The following RPS6KA2 variants were observed in gnomAD, a reference collection of about 807,000 sequenced individuals.
RPS6KA2 encodes the protein ribosomal protein S6 kinase A2.
A neutral mutation model predicts 91.8 loss-of-function variants in RPS6KA2; 42 were observed. The ratio of observed to expected loss-of-function variants is 0.46; its 90% confidence interval spans 0.36 to 0.59. The LOEUF (loss-of-function observed/expected upper bound fraction) is 0.59, where lower values mean the gene tolerates loss of function less well. Ranked by LOEUF, RPS6KA2 falls within the 20% of genes least tolerant of loss-of-function variation. The pLI is 0.00. For synonymous variants in RPS6KA2, 414 were observed against 393.6 expected, an observed-to-expected ratio of 1.05 and a Z score of -0.61; for missense variants, 798 against 978.5, an observed-to-expected ratio of 0.82 and a Z score of 2.46.
chr6:166,583,528 C>A (rs1156382336), intron 1 of RPS6KA2, among the ~76,000 whole-genome samples: 1 of 152,202 alleles, frequency 6.6e-6, no homozygotes, highest in Non-Finnish European at 1.5e-5. Context: ...TGAAACACTG[C>A]GGAAGTCATG....
intron 2 of RPS6KA2, among the ~76,000 whole-genome samples, chr6:166,647,783 CAT>C (rs1159599279): frequency 2.0e-5 from 3 of 151,532 alleles, no homozygotes. Context: ...CATACACACA[CAT>C]GCACATGCTT....
intron 1 of RPS6KA2, among the ~76,000 whole-genome samples, chr6:166,590,709 C>T (rs1446747595): frequency 6.6e-6 from 1 of 151,980 alleles, no homozygotes; most frequent in Non-Finnish European, 1.5e-5. Context: ...ACTCATTTCC[C>T]GTTGCATCAT....
intron 2 of RPS6KA2, among the ~76,000 whole-genome samples, chr6:166,753,799 C>A (rs541233953): frequency 6.6e-6 from 1 of 152,328 alleles, no homozygotes; most frequent in South Asian, 2.1e-4. Context: ...AGCTGCGTTG[C>A]CCATGAGCTA....
At chr6:166,605,831 G>A (rs1261338058) in intron 1 of RPS6KA2, among the ~76,000 whole-genome samples, 4 of 152,232 alleles carry the variant, frequency 2.6e-5, no homozygotes. Context: ...GATAAGACCT[G>A]AAATGAAAAC....
intron 2 of RPS6KA2, among the ~76,000 whole-genome samples, chr6:166,717,186 T>A (rs758711197): frequency 7.2e-5 from 11 of 152,196 alleles, no homozygotes; most frequent in Non-Finnish European, 8.8e-5. Flanking sequence ...TGAGTTCGTC[T>A]GAGGCTCAGG....
rs1449999982 is a variant in RPS6KA2, at chr6:166,666,507, CCA to C, written c.124-127725_124-127724del. On this transcript the variant is annotated intron_variant, in intron 2 of 21. Coordinates refer to the RPS6KA2 transcript ENST00000503859. The surrounding 1 kb of genome is among the most constrained non-coding windows in gnomAD (Gnocchi z 4.0). ...GAAGCATATGGAAAGATGCTCAACG[CCA>C]GTCACTAATCCTTAGGGAAATGCAA... Among the ~76,000 whole-genome samples, 8 of 152,152 alleles carry C rather than the reference CCA, an allele frequency of 5.3e-5. No homozygotes were observed. The highest frequency in any genetic ancestry group is 4.1e-4 in the South Asian group (2 of 4,824).
At position 166,531,264 on chromosome 6, in the gene RPS6KA2, G is replaced by T; in HGVS notation, c.266C>A (p.Ala89Asp). 6.2e-7 allele frequency: 1 copy of T among 1,614,100 alleles called. No homozygotes were observed. Among genetic ancestry groups the T allele is most frequent in the Non-Finnish European group, 8.5e-7 (1 of 1,179,978 alleles). Residue 89 changes from alanine (A) to aspartate (D), a missense_variant, in exon 3 of 21, where the codon GCC becomes GAC. Ala to Asp is a moderately radical substitution (Grantham distance 126, BLOSUM62 -2). Coordinates refer to ENST00000265678, the MANE Select transcript of RPS6KA2 (RefSeq NM_021135.6). ...VKGSDAGQLY[A>D]MKVLKKATLK... ...GGTGGCTTTCTTAAGGACCTTCATG[G>T]CGTAGAGCTGCCCAGCGTCGGACCC...
At chr6:166,567,824 A>C (rs1019001262) in intron 1 of RPS6KA2, among the ~76,000 whole-genome samples, 1 of 152,180 alleles carries the variant, frequency 6.6e-6, no homozygotes, top group Non-Finnish European at 1.5e-5. Context: ...AAGAGGTTCC[A>C]TCTCTCCCCA....
intron 2 of RPS6KA2, among the ~76,000 whole-genome samples, chr6:166,670,674 C>G (rs1788446223): frequency 1.3e-5 from 2 of 151,584 alleles, no homozygotes; most frequent in Admixed American, 1.3e-4. Flanking sequence ...AGAATATGAC[C>G]CTCACCTCTC....
At chr6:166,703,709 A>G (rs979628160) in intron 2 of RPS6KA2, among the ~76,000 whole-genome samples, 2 of 152,218 alleles carry the variant, frequency 1.3e-5, no homozygotes, top group Non-Finnish European at 1.5e-5. Flanking sequence ...AGGCGAAATC[A>G]CGGAAGCAGG....
At chr6:166,479,310 T>C (rs6909920) in intron 10 of RPS6KA2, among the ~76,000 whole-genome samples, 38,451 of 152,168 alleles carry the variant, frequency 0.25, 6,807 homozygotes, top group African/African-American at 0.51. Flanking sequence ...ACACTTGCTC[T>C]GGACGAAAGC....
intron 2 of RPS6KA2, chr6:166,701,894 A>G: frequency 9.3e-7 from 1 of 1,074,980 alleles, no homozygotes; most frequent in Non-Finnish European, 1.4e-6. Flanking sequence ...CAATGGAGAT[A>G]TCGTGATTTT....
rs1237302823 is a variant in RPS6KA2, at chr6:166,852,038, C to T, written c.123+6162G>A. On this transcript the variant is annotated intron_variant, in intron 2 of 21. Transcript: ENST00000503859. This position sits in a 1 kb window ranked among gnomAD's most constrained non-coding sequence, Gnocchi z 4.1. ...GAAGCCAATGTTATTCTCACCCGCTCCACAGTGCGTCTAAACACAGATGGG... is the reference window on the plus strand; with the variant it reads ...GAAGCCAATGTTATTCTCACCCGCTTCACAGTGCGTCTAAACACAGATGGG... 6.6e-6 allele frequency among the ~76,000 whole-genome samples: 1 copy of T among 152,224 alleles called. No homozygotes were observed. Among genetic ancestry groups the T allele is most frequent in the African/African-American group, 2.4e-5 (1 of 41,446 alleles).
At chr6:166,421,468 C>T (rs1386136904) in intron 17 of RPS6KA2, among the ~76,000 whole-genome samples, 1 of 152,204 alleles carries the variant, frequency 6.6e-6, no homozygotes, top group Non-Finnish European at 1.5e-5. Context: ...TACCTACCCC[C>T]AACCAGAGAG....
intron 2 of RPS6KA2, among the ~76,000 whole-genome samples, chr6:166,799,820 T>C (rs1779317789): frequency 6.6e-6 from 1 of 152,188 alleles, no homozygotes; most frequent in African/African-American, 2.4e-5. Context: ...GGATAAGTTC[T>C]TCAGTGGTGA....
At chr6:166,765,660 G>A (rs1203539440) in intron 2 of RPS6KA2, among the ~76,000 whole-genome samples, 1 of 152,226 alleles carries the variant, frequency 6.6e-6, no homozygotes. Flanking sequence ...GTAAGATGTG[G>A]AGCTGGCATT....
In RPS6KA2 at chr6:166,459,409, G is replaced by A. The variant is rs1241501837; in HGVS notation, c.1075+40C>T. 16 of 1,327,054 alleles carry A rather than the reference G, an allele frequency of 1.2e-5. No individual in the cohort carries two copies. The highest frequency in any genetic ancestry group is 1.7e-5 in the Non-Finnish European group (16 of 923,542). The allele number at this position is 1,327,054 out of a possible 1,614,324, so 82.2% of individuals were successfully genotyped here. On this transcript the variant is annotated intron_variant, in intron 12 of 20. Transcript: ENST00000265678. The surrounding 1 kb of genome is among the most constrained non-coding windows in gnomAD (Gnocchi z 4.9). ...GATATCTGTCTCTAAGGGGTCAGGTGGGAGAAGCCACCGATAGAGGGAACC... is the reference window on the plus strand; with the variant it reads ...GATATCTGTCTCTAAGGGGTCAGGTAGGAGAAGCCACCGATAGAGGGAACC...
intron 2 of RPS6KA2, among the ~76,000 whole-genome samples, chr6:166,829,673 G>A (rs1278491355): frequency 1.3e-5 from 2 of 151,198 alleles, no homozygotes; most frequent in African/African-American, 4.9e-5. Context: ...GACTTAAACA[G>A]GTATTTGTCT....
chr6:166,701,417 C>G, intron 2 of RPS6KA2: 1 of 1,268,304 alleles, frequency 7.9e-7, no homozygotes, highest in Non-Finnish European at 1.2e-6. Flanking sequence ...TTTCATTTTT[C>G]CATAATTCTT....
Sources: gnomAD v4.1 joint callset for allele counts (sites outside exome capture counted in the v4.1 genomes callset) on GRCh38, gnomAD v4.1.1 for gene constraint, Gnocchi (gnomAD v3.1) non-coding constraint, MANE v1.5 for transcripts, NCBI Gene and HGNC (gene_info 2026-07-23, HGNC 2026-07-21) for gene names.